NADK2: variants seen among roughly 807,000 people sequenced by gnomAD.
NADK2 encodes NAD kinase domain-containing protein 1, mitochondrial.
NADK2 carries 35 observed loss-of-function variants against 62.1 expected under a neutral mutation model. That is an observed-to-expected ratio of 0.56 (90% CI 0.43 to 0.75). NADK2 has a LOEUF of 0.75. NADK2 is among the 30% of genes least tolerant of loss of function. NADK2 has a pLI of 0.00. For missense variants in NADK2, 439 were observed against 561.3 expected (o/e 0.78, Z 2.20); for synonymous variants, 205 against 207.9 (o/e 0.99, Z 0.12).
In NADK2 at chr5:36,205,026, C is replaced by A. The variant is rs1746584034; in HGVS notation, c.956+2144G>T. 6.6e-6 allele frequency among the ~76,000 whole-genome samples: 1 copy of A among 151,804 alleles called. No homozygotes were observed. ...TATACAAATTTAAAAGTTTGATAAGCATTGTTTTAGCTATATACAATTGTG... is the reference window on the plus strand; with the variant it reads ...TATACAAATTTAAAAGTTTGATAAGAATTGTTTTAGCTATATACAATTGTG... On this transcript the variant is annotated intron_variant, in intron 8 of 11. Coordinates refer to ENST00000381937, the MANE Select transcript of NADK2 (RefSeq NM_001085411.3). The surrounding 1 kb of genome is among the most constrained non-coding windows in gnomAD (Gnocchi z 4.1).
intron 1 of NADK2, among the ~76,000 whole-genome samples, chr5:36,239,900 C>T (rs1446835446): frequency 6.6e-6 from 1 of 152,172 alleles, no homozygotes; most frequent in African/African-American, 2.4e-5. Context: ...CACACAGAAC[C>T]AGGGCCTAGA....
chr5:36,198,001 CTT>C (rs1022119421), intron 10 of NADK2, among the ~76,000 whole-genome samples: 2 of 152,056 alleles, frequency 1.3e-5, no homozygotes, highest in Non-Finnish European at 2.9e-5. Context: ...AAAAAAGGAA[CTT>C]GAGTTGCCAT....
intron 6 of NADK2, among the ~76,000 whole-genome samples, chr5:36,216,544 A>G (rs1341395442): frequency 6.6e-6 from 1 of 152,126 alleles, no homozygotes; most frequent in Non-Finnish European, 1.5e-5. Context: ...ATCATCATGT[A>G]TAATCTTTTG....
chr5:36,219,109 G>A (rs1044342102), intron 5 of NADK2, among the ~76,000 whole-genome samples: 1 of 152,206 alleles, frequency 6.6e-6, no homozygotes, highest in Non-Finnish European at 1.5e-5. Flanking sequence ...ACTAGGAGAA[G>A]GTAAATTAGA....
At chr5:36,226,124 A>T (rs1251400196) in intron 3 of NADK2, among the ~76,000 whole-genome samples, 1 of 152,214 alleles carries the variant, frequency 6.6e-6, no homozygotes, top group Admixed American at 6.5e-5. Context: ...GTACAAGTAT[A>T]TTGGGACCAA....
intron 7 of NADK2, 117 bp from the exon 8 acceptor site, chr5:36,207,382 TTAG>T (rs1746680120): frequency 1.5e-6 from 1 of 679,572 alleles, no homozygotes; most frequent in African/African-American, 1.8e-5. Context: ...AATACTTGAC[TTAG>T]TAGGCACACA....
At chr5:36,222,514 A>T (rs918381890) in intron 4 of NADK2, among the ~76,000 whole-genome samples, 1 of 152,252 alleles carries the variant, frequency 6.6e-6, no homozygotes, top group African/African-American at 2.4e-5. Context: ...CTGTGGACAT[A>T]TGAGGACAGG....
At chr5:36,225,948 A>G (rs142995498) in intron 3 of NADK2, among the ~76,000 whole-genome samples, 243 of 152,350 alleles carry the variant, frequency 1.6e-3, no homozygotes, top group African/African-American at 5.7e-3. Context: ...TCTATTAGCC[A>G]ATCTTCTTTC....
intron 8 of NADK2, among the ~76,000 whole-genome samples, chr5:36,206,553 C>A (rs1319939774): frequency 6.6e-6 from 1 of 151,728 alleles, no homozygotes; most frequent in Non-Finnish European, 1.5e-5. Flanking sequence ...AGCATGGAGT[C>A]AGGGTAAATG....
chr5:36,201,083 C>T (rs1746428166), intron 9 of NADK2, 23 bp downstream of exon 9: 1 of 1,608,734 alleles, frequency 6.2e-7, no homozygotes. Flanking sequence ...GGGGACTACT[C>T]CAATAGCTGT....
intron 5 of NADK2, 87 bp from the exon 6 acceptor site, chr5:36,217,971 TTAA>T (rs1476901062): frequency 5.5e-6 from 7 of 1,280,698 alleles, no homozygotes; most frequent in Non-Finnish European, 5.3e-6. Flanking sequence ...AATTAAATAG[TTAA>T]TAAAAACTAG....
intron 8 of NADK2, among the ~76,000 whole-genome samples, chr5:36,206,707 G>A (rs1422024733): frequency 6.6e-6 from 1 of 152,002 alleles, no homozygotes; most frequent in African/African-American, 2.4e-5. Flanking sequence ...AGGAGAAAAG[G>A]TATGTTTGGG....
Position 36,219,680 on chromosome 5 carries a change from C to G in NADK2, c.561-1G>C. ...GGGCAGGCATAAATGACCCTCAGAC[C>G]TATATTTTAACAGGAATTTTTTGGT... is the stretch of plus-strand genomic sequence containing the variant. On this transcript the variant is annotated splice_acceptor_variant, in intron 4 of 11. Transcript: ENST00000381937. LOFTEE classifies it high-confidence loss of function. The G allele has an allele frequency of 6.2e-7, 1 of 1,611,194 alleles. No homozygotes were observed.
At chr5:36,217,676 C>A in intron 6 of NADK2, 72 bp downstream of exon 6, 3 of 1,429,602 alleles carry the variant, frequency 2.1e-6, no homozygotes, top group Non-Finnish European at 2.9e-6. Flanking sequence ...ATTATTACAT[C>A]AAAAAATTTG....
Position 36,241,625 on chromosome 5 carries a change from A to G in NADK2, c.174T>C (p.Cys58=). The part of the protein sequence containing the change: ...GQGQPRELAG[C]GSRADGGFRP... ...GGAAGCCGCCGTCCGCGCGGCTGCC[A>G]CAGCCCGCCAGCTCGCGCGGCTGCC... is the stretch of plus-strand genomic sequence containing the variant. The change falls in exon 1 of 12, where the codon TGT becomes TGC. Residue 58 remains cysteine, a synonymous_variant. Coordinates refer to ENST00000381937, the MANE Select transcript of NADK2 (RefSeq NM_001085411.3). This position sits in a 1 kb window ranked among gnomAD's most constrained non-coding sequence, Gnocchi z 4.9. 1 of 1,474,712 alleles carries G rather than the reference A, an allele frequency of 6.8e-7. No individual in the cohort carries two copies. The highest frequency in any genetic ancestry group is 2.3e-5 in the Admixed American group (1 of 44,128). 91.4% of individuals were successfully genotyped at this position (1,474,712 alleles called of 1,614,324 possible).
intron 1 of NADK2, among the ~76,000 whole-genome samples, chr5:36,237,000 C>T (rs1470629301): frequency 1.3e-5 from 2 of 152,074 alleles, no homozygotes; most frequent in African/African-American, 2.4e-5. Context: ...CTTTCACCCA[C>T]CAGGTTGGCA....
chr5:36,214,801 T>C lies in NADK2; in HGVS notation c.782-2879A>G, dbSNP rs191103992. 1.1e-3 allele frequency among the ~76,000 whole-genome samples: 164 copies of C among 152,332 alleles called. 1 individual carries two copies. Among genetic ancestry groups the C allele is most frequent in the African/African-American group, 3.8e-3 (159 of 41,580 alleles). On this transcript the variant is annotated intron_variant, in intron 6 of 11. Transcript: ENST00000381937. The stretch of plus-strand genomic sequence containing the variant: ...GGCCTTAAAATACGGTAGCAGCCAC[T>C]ATTTGGCAGCAGCCTTGGTTGCCTG...
intron 4 of NADK2, among the ~76,000 whole-genome samples, chr5:36,225,000 T>G (rs1456870499): frequency 6.6e-6 from 1 of 152,096 alleles, no homozygotes; most frequent in Non-Finnish European, 1.5e-5. Flanking sequence ...AATGGATCAT[T>G]ATTAACTTGT....
chr5:36,239,094 C>A (rs1452645201), intron 1 of NADK2, among the ~76,000 whole-genome samples: 1 of 152,144 alleles, frequency 6.6e-6, no homozygotes, highest in Non-Finnish European at 1.5e-5. Context: ...TGACAAAAAA[C>A]CAAGTTACCA....
Sources: gnomAD v4.1 joint callset for allele counts (sites outside exome capture counted in the v4.1 genomes callset) on GRCh38, gnomAD v4.1.1 for gene constraint, Gnocchi (gnomAD v3.1) non-coding constraint, MANE v1.5 for transcripts, NCBI Gene and HGNC (gene_info 2026-07-23, HGNC 2026-07-21) for gene names.